The following SFMBT2 variants were observed in gnomAD, a reference collection of about 807,000 sequenced individuals.
The protein encoded by SFMBT2 is Scm like with four mbt domains 2, also known as scm-like with four MBT domains protein 2.
In SFMBT2, 38 loss-of-function variants were observed where a neutral mutation model predicts 110.1. The ratio of observed to expected loss-of-function variants is 0.35; its 90% CI spans 0.27 to 0.45. The LOEUF is 0.45. Among genes scored for constraint, SFMBT2 ranks in the 20% least tolerant of loss-of-function variants. The probability of loss-of-function intolerance (pLI) is 1.00; values close to 1 mark genes in which losing one functional copy is unlikely to be tolerated. For missense variants in SFMBT2, 1,011 were observed against 1,094.9 expected, an observed-to-expected ratio of 0.92 and a Z score of 1.08; for synonymous variants, 425 against 425.4, an observed-to-expected ratio of 1.00 and a Z score of 0.01.
At chr10:7,254,015 G>A (rs752245615) in intron 7 of SFMBT2, among the ~76,000 whole-genome samples, 33 of 152,256 alleles carry the variant, frequency 2.2e-4, no homozygotes, top group South Asian at 4.1e-4. Context: ...CTGCAAGAGC[G>A]TGACAATATT....
At chr10:7,277,083 C>T in intron 6 of SFMBT2, 94 bp from the exon 7 acceptor site, 6 of 745,270 alleles carry the variant, frequency 8.1e-6, no homozygotes, top group South Asian at 1.4e-5. Flanking sequence ...TTTCCTGATA[C>T]CTCAGCACGG....
chr10:7,194,196 A>G (rs1304440928), intron 15 of SFMBT2, among the ~76,000 whole-genome samples: 1 of 151,656 alleles, frequency 6.6e-6, no homozygotes, highest in African/African-American at 2.4e-5. Flanking sequence ...CCATTGAGTG[A>G]CTCTGGTTCC....
rs139853018 is a variant in SFMBT2 at position 7,393,814 on chromosome 10, T to C, written c.-51-11865A>G. Among the ~76,000 whole-genome samples the C allele has an allele frequency of 2.2e-4, 33 of 152,260 alleles. No individual in the cohort carries two copies. The East Asian group carries it at 5.2e-3, about 24-fold the overall frequency. On this transcript the variant is annotated intron_variant, in intron 1 of 20. Coordinates refer to ENST00000397167, the MANE Select transcript of SFMBT2 (RefSeq NM_001387889.1). ...CCTAGACCTAGGATCACCCAGCTGA[T>C]TGTCCCCATGAACAGCAAAACAGAA...
chr10:7,269,116 C>G (rs1841490991), intron 7 of SFMBT2, among the ~76,000 whole-genome samples: 1 of 152,000 alleles, frequency 6.6e-6, no homozygotes, highest in Non-Finnish European at 1.5e-5. Context: ...TTTTTTTAAA[C>G]CTATTTCATC....
At position 7,161,583 on chromosome 10, in the gene SFMBT2, A is replaced by G. The variant is rs1423465059; in HGVS notation, c.*2187T>C. 1 of 152,224 alleles carries G rather than the reference A, an allele frequency of 6.6e-6. No homozygotes were observed. Among genetic ancestry groups the G allele is most frequent in the Admixed American group, 6.5e-5 (1 of 15,274 alleles). The allele number at this position is 152,224 out of a possible 1,614,324, so 9.4% of individuals were successfully genotyped here. ...AGCTTAAAGGAGAGATGCCCGGGGC[A>G]AGCCAGCCACAGATCCCAGAGACAT... On this transcript the variant is annotated 3_prime_UTR_variant, in exon 21 of 21. Coordinates refer to ENST00000397167, the MANE Select transcript of SFMBT2 (RefSeq NM_001387889.1).
At chr10:7,392,983 T>TTATATATATA (rs760008467) in intron 1 of SFMBT2, among the ~76,000 whole-genome samples, 5 of 59,958 alleles carry the variant, frequency 8.3e-5, no homozygotes, top group South Asian at 8.6e-4. Context: ...TGTGGATAGA[T>TTATATATATA]TATATATATA....
At chr10:7,332,541 A>G (rs1370739480) in intron 4 of SFMBT2, among the ~76,000 whole-genome samples, 1 of 152,214 alleles carries the variant, frequency 6.6e-6, no homozygotes, top group Non-Finnish European at 1.5e-5. Context: ...TAAAATAACA[A>G]ATGTTTGAGA....
At chr10:7,168,856 A>G (rs1433516192) in intron 20 of SFMBT2, among the ~76,000 whole-genome samples, 1 of 152,162 alleles carries the variant, frequency 6.6e-6, no homozygotes, top group Non-Finnish European at 1.5e-5. Flanking sequence ...AGGTCTAAGG[A>G]AGTCTCTCCC....
intron 7 of SFMBT2, among the ~76,000 whole-genome samples, chr10:7,260,522 A>G (rs567381440): frequency 1.3e-5 from 2 of 152,274 alleles, no homozygotes; most frequent in South Asian, 2.1e-4. Flanking sequence ...CCTCTTCCCT[A>G]TGCTGCTTCT....
chr10:7,246,557 A>G (rs1339376571), intron 8 of SFMBT2, among the ~76,000 whole-genome samples: 1 of 151,838 alleles, frequency 6.6e-6, no homozygotes, highest in Non-Finnish European at 1.5e-5. Flanking sequence ...CATCTCCACT[A>G]AAAACACAAA....
chr10:7,190,801 C>A (rs1200426766), intron 15 of SFMBT2, among the ~76,000 whole-genome samples: 1 of 152,206 alleles, frequency 6.6e-6, no homozygotes, highest in African/African-American at 2.4e-5. Flanking sequence ...TCATCTTCCT[C>A]CACTGATATG....
chr10:7,260,023 CA>C (rs1191031360), intron 7 of SFMBT2, among the ~76,000 whole-genome samples: 1 of 152,182 alleles, frequency 6.6e-6, no homozygotes, highest in African/African-American at 2.4e-5. Context: ...TAACCATAAA[CA>C]ATGGTGACCA....
At chr10:7,195,549 CA>C (rs371457658) in intron 15 of SFMBT2, among the ~76,000 whole-genome samples, 2 of 152,310 alleles carry the variant, frequency 1.3e-5, no homozygotes, top group Non-Finnish European at 2.9e-5. Context: ...GTACAATGGC[CA>C]GGCCTGCAAC....
At chr10:7,322,675 T>C (rs1388787962) in intron 4 of SFMBT2, among the ~76,000 whole-genome samples, 4 of 151,784 alleles carry the variant, frequency 2.6e-5, no homozygotes, top group Admixed American at 6.6e-5. Context: ...ACAGGGTATG[T>C]TGAAATGGAA....
intron 13 of SFMBT2, among the ~76,000 whole-genome samples, chr10:7,201,359 C>A (rs1838949900): frequency 6.6e-6 from 1 of 152,166 alleles, no homozygotes; most frequent in East Asian, 1.9e-4. Flanking sequence ...GTGACTGATG[C>A]ATGAGAAAGG....
intron 1 of SFMBT2, among the ~76,000 whole-genome samples, chr10:7,386,848 G>C (rs1845621800): frequency 6.6e-6 from 1 of 152,118 alleles, no homozygotes; most frequent in Non-Finnish European, 1.5e-5. Context: ...AGAACTCTAG[G>C]ATGTAGGTTA....
chr10:7,206,037 T>C (rs1018631985), intron 11 of SFMBT2, 109 bp from the exon 12 acceptor site: 3 of 1,449,404 alleles, frequency 2.1e-6, no homozygotes, highest in African/African-American at 1.5e-5. Context: ...CATTCCTTTA[T>C]ACATTAAAAA....
At chr10:7,296,721 C>T (rs773291298) in intron 4 of SFMBT2, among the ~76,000 whole-genome samples, 9 of 152,188 alleles carry the variant, frequency 5.9e-5, no homozygotes, top group Non-Finnish European at 8.8e-5. Context: ...TGGTTGAATG[C>T]GACTCCGGAT....
intron 4 of SFMBT2, among the ~76,000 whole-genome samples, chr10:7,316,188 T>A (rs1352373007): frequency 6.6e-6 from 1 of 152,160 alleles, no homozygotes; most frequent in Non-Finnish European, 1.5e-5. Flanking sequence ...TGGATTTTTA[T>A]CAGAATGGCA....
Sources: gnomAD v4.1 joint callset for allele counts (sites outside exome capture counted in the v4.1 genomes callset) on GRCh38, gnomAD v4.1.1 for gene constraint, MANE v1.5 for transcripts, NCBI Gene and HGNC (gene_info 2026-07-23, HGNC 2026-07-21) for gene names.